The following ZNF727 variants were observed in gnomAD, a reference collection of about 807,000 sequenced individuals.
ZNF727 encodes the protein putative zinc finger protein 727.
Under a neutral mutation model 11.5 loss-of-function variants are expected in ZNF727, and 11 were observed. The ratio of observed to expected loss-of-function variants is 0.95; its 90% CI spans 0.60 to 1.58. The LOEUF (loss-of-function observed/expected upper bound fraction) is 1.58. ZNF727 is among the 40% of genes most tolerant of loss of function. The pLI is 0.00. For synonymous variants in ZNF727, 171 were observed against 196.1 expected (o/e 0.87, Z 1.07); for missense variants, 533 against 581.7 (o/e 0.92, Z 0.86).
intron 3 of ZNF727, among the ~76,000 whole-genome samples, chr7:64,070,552 A>T (rs1027408167): frequency 6.6e-5 from 10 of 151,994 alleles, no homozygotes; most frequent in African/African-American, 2.4e-4. Context: ...TAATGTATTG[A>T]TTTTATATCT....
intron 1 of ZNF727, among the ~76,000 whole-genome samples, chr7:64,057,236 C>G (rs1233948350): frequency 6.6e-6 from 1 of 152,106 alleles, no homozygotes; most frequent in Non-Finnish European, 1.5e-5. Flanking sequence ...TTTAATTAAC[C>G]TTAGGCAGTA....
chr7:64,082,136 T>C lies in ZNF727; in HGVS notation c.*3587T>C, dbSNP rs921269674. ...GTTGGATTTTTCATTAGTCTGAGGG[T>C]AGCAAGGACAGTTCTACTGCAGAGG... On this transcript the variant is annotated 3_prime_UTR_variant, in exon 4 of 4. Coordinates refer to ENST00000456806, the MANE Select transcript of ZNF727 (RefSeq NM_001159522.3). Among the ~76,000 whole-genome samples, 1 of 152,050 alleles carries C rather than the reference T, an allele frequency of 6.6e-6. No individual in the cohort carries two copies. Among genetic ancestry groups the C allele is most frequent in the African/African-American group, 2.4e-5 (1 of 41,410 alleles).
In ZNF727 at chr7:64,067,296, G is replaced by C. The variant is rs547175715; in HGVS notation, c.4-1595G>C. Among the ~76,000 whole-genome samples, 247 of 152,254 alleles carry C rather than the reference G, an allele frequency of 1.6e-3. 1 individual carries two copies. Among genetic ancestry groups the C allele is most frequent in the African/African-American group, 5.7e-3 (238 of 41,544 alleles). ...GAACACTTTTACACTGTTCTTGGGA[G>C]TGTAAATTAGTTCAACCATTGTGGA... On this transcript the variant is annotated intron_variant, in intron 1 of 3. Transcript: ENST00000456806.
intron 1 of ZNF727, among the ~76,000 whole-genome samples, chr7:64,063,369 G>T (rs1789806935): frequency 6.6e-6 from 1 of 152,170 alleles, no homozygotes; most frequent in Admixed American, 6.5e-5. Context: ...TGTGATGCTT[G>T]CAGACTTGTA....
chr7:64,055,578 T>C (rs1213005013), intron 1 of ZNF727, among the ~76,000 whole-genome samples: 1 of 152,200 alleles, frequency 6.6e-6, no homozygotes, highest in African/African-American at 2.4e-5. Flanking sequence ...TTTCCTTCTC[T>C]CTGAATTCTA....
chr7:64,077,273 C>A lies in ZNF727; in HGVS notation c.227-3C>A. 1 of 1,414,044 alleles carries A rather than the reference C, an allele frequency of 7.1e-7. No homozygotes were observed. The highest frequency in any genetic ancestry group is 9.3e-7 in the Non-Finnish European group (1 of 1,080,104). 87.6% of individuals were successfully genotyped at this position (1,414,044 alleles called of 1,614,324 possible). On this transcript the variant is annotated splice_polypyrimidine_tract_variant and splice_region_variant and intron_variant, in intron 3 of 3. Transcript: ENST00000456806. ...AATTTTGTGGTTCTTTTTTTTTTTT[C>A]AGCTGGCTCTTTGCATTTTACTGCA...
chr7:64,070,815 C>T (rs1321512136), intron 3 of ZNF727, among the ~76,000 whole-genome samples: 1 of 152,046 alleles, frequency 6.6e-6, no homozygotes, highest in Non-Finnish European at 1.5e-5. Flanking sequence ...CCTCTATACT[C>T]TCTTCTTCTA....
Position 64,078,044 on chromosome 7 carries a change from G to T in ZNF727, c.995G>T (p.Arg332Ile). ...MWISALSQHN[R>I]IHTGEKPYIC... ...ATCTCGGCCCTTAGTCAACATAACA[G>T]AATTCATACTGGAGAGAAACCCTAC... Residue 332 changes from arginine to isoleucine, a missense_variant, in exon 4 of 4, where the codon AGA (arginine) becomes ATA (isoleucine). Around this residue, in one of 3 missense-constraint regions of ZNF727, gnomAD observed 463 missense variants for 494.5 expected, o/e 0.94. Coordinates refer to ENST00000456806, the MANE Select transcript of ZNF727 (RefSeq NM_001159522.3). 6 of 1,608,928 alleles carry T rather than the reference G, an allele frequency of 3.7e-6. No individual in the cohort carries two copies. The highest frequency in any genetic ancestry group is 5.1e-6 in the Non-Finnish European group (6 of 1,177,794).
intron 1 of ZNF727, among the ~76,000 whole-genome samples, chr7:64,049,622 CAT>C (rs1283903358): frequency 6.6e-6 from 1 of 151,652 alleles, no homozygotes; most frequent in Non-Finnish European, 1.5e-5. Context: ...TTTTTAGAAA[CAT>C]AGGATTTTAA....
chr7:64,061,489 T>C (rs889980289), intron 1 of ZNF727, among the ~76,000 whole-genome samples: 3 of 151,908 alleles, frequency 2.0e-5, no homozygotes, highest in Non-Finnish European at 2.9e-5. Flanking sequence ...TAAGTATAGC[T>C]ATCCCTGCTC....
intron 1 of ZNF727, among the ~76,000 whole-genome samples, chr7:64,058,719 A>C (rs1335842592): frequency 6.6e-6 from 1 of 152,192 alleles, no homozygotes. Context: ...GATATTCTAA[A>C]TTATTCCAGG....
chr7:64,079,595 A>G lies in ZNF727; in HGVS notation c.*1046A>G, dbSNP rs1006504816. On this transcript the variant is annotated 3_prime_UTR_variant, in exon 4 of 4. Transcript: ENST00000456806. ...GAAATGGGTATCTCAATTACAGCAT[A>G]CCATTAGATCTTGGTTCTTTATTTG... Among the ~76,000 whole-genome samples, 1 of 152,164 alleles carries G rather than the reference A, an allele frequency of 6.6e-6. No homozygotes were observed. Among genetic ancestry groups the G allele is most frequent in the African/African-American group, 2.4e-5 (1 of 41,428 alleles).
chr7:64,064,435 T>C lies in ZNF727; in HGVS notation c.4-4456T>C, dbSNP rs540882135. On this transcript the variant is annotated intron_variant, in intron 1 of 3. Transcript: ENST00000456806. ...GGGGCCTCAGAGCTTTTTCTGATGT[T>C]GTATTCTACTGTGGCTGAGATGATG... is the stretch of plus-strand genomic sequence containing the variant. Among the ~76,000 whole-genome samples the C allele has an allele frequency of 1.1e-4, 17 of 152,272 alleles. No homozygotes were observed. The East Asian group carries it at 3.1e-3, about 28-fold the overall frequency.
intron 1 of ZNF727, among the ~76,000 whole-genome samples, chr7:64,067,842 CAT>C (rs1257525671): frequency 6.6e-6 from 1 of 151,968 alleles, no homozygotes; most frequent in African/African-American, 2.4e-5. Context: ...CACCTTGACA[CAT>C]GTATACCTAT....
At chr7:64,073,695 C>T (rs570721131) in intron 3 of ZNF727, among the ~76,000 whole-genome samples, 1 of 152,080 alleles carries the variant, frequency 6.6e-6, no homozygotes, top group African/African-American at 2.4e-5. Flanking sequence ...AGCAATGGGC[C>T]GGGCTATAGA....
Position 64,081,646 on chromosome 7 carries a change from C to T in ZNF727, c.*3097C>T, listed in dbSNP as rs1785794697. 6.6e-6 allele frequency among the ~76,000 whole-genome samples: 1 copy of T among 152,100 alleles called. No individual in the cohort carries two copies. The highest frequency in any genetic ancestry group is 2.4e-5 in the African/African-American group (1 of 41,416). ...GGCTCCTAGGGTACCTGAGACTGCC[C>T]TGTAAGCAGTTGTGGCCAGACTGGA... On this transcript the variant is annotated 3_prime_UTR_variant, in exon 4 of 4. Transcript: ENST00000456806.
intron 1 of ZNF727, among the ~76,000 whole-genome samples, chr7:64,056,826 G>T (rs1374922880): frequency 6.6e-6 from 1 of 151,986 alleles, no homozygotes; most frequent in East Asian, 1.9e-4. Context: ...TAAACTTACA[G>T]TCTTTAACCA....
intron 1 of ZNF727, among the ~76,000 whole-genome samples, chr7:64,050,067 T>A (rs973545165): frequency 2.0e-5 from 3 of 151,870 alleles, no homozygotes; most frequent in African/African-American, 4.8e-5. Flanking sequence ...ATATATATAT[T>A]TTTCTATATA....
Position 64,077,650 on chromosome 7 carries a change from A to T in ZNF727, c.601A>T (p.Lys201Ter). ...AATTCATACTGCAGATAGAAGTTACAAATGTGAAGAATGTGGCAAAGCCTG... is the reference window on the plus strand; with the variant it reads ...AATTCATACTGCAGATAGAAGTTACTAATGTGAAGAATGTGGCAAAGCCTG... Reference protein sequence around the residue: ...KRIHTADRSYKCEECGKACKK... With the variant: ...KRIHTADRSY The change falls in exon 4 of 4, where the codon AAA becomes TAA. Residue 201 changes from lysine (K) to a stop codon, truncating the protein, a stop_gained. Coordinates refer to ENST00000456806, the MANE Select transcript of ZNF727 (RefSeq NM_001159522.3). LOFTEE classifies it low-confidence loss of function (END_TRUNC). 6.4e-7 allele frequency: 1 copy of T among 1,555,328 alleles called. No homozygotes were observed. Among genetic ancestry groups the T allele is most frequent in the Non-Finnish European group, 8.7e-7 (1 of 1,149,236 alleles).
Sources: gnomAD v4.1 joint callset for allele counts (sites outside exome capture counted in the v4.1 genomes callset) on GRCh38, gnomAD v4.1.1 for gene constraint, gnomAD v4.1.1 regional missense constraint, MANE v1.5 for transcripts, NCBI Gene and HGNC (gene_info 2026-07-23, HGNC 2026-07-21) for gene names.